ABHD17B: variants seen among roughly 807,000 people sequenced by gnomAD.
The protein encoded by ABHD17B is abhydrolase domain containing 17B, depalmitoylase.
In ABHD17B, 9 loss-of-function variants were observed where a neutral mutation model predicts 26.2. That is an observed-to-expected ratio of 0.34 (90% CI 0.21 to 0.60). The LOEUF is 0.60. ABHD17B is among the 20% of genes least tolerant of loss of function. The pLI is 0.80. For synonymous variants in ABHD17B, 127 were observed against 122.3 expected (o/e 1.04, Z -0.25); for missense variants, 224 against 352.1 (o/e 0.64, Z 2.91).
At position 71,866,796 on chromosome 9, in the gene ABHD17B, T is replaced by C; in HGVS notation, c.858A>G (p.Val286=). The stretch of plus-strand genomic sequence containing the variant: ...AAATTTACAGAATATTTTACAAATT[T>C]ACCAGTTCCTGTGACACAAACTGTT... ...RLKQFVSQEL[V]NL Residue 286 remains valine, a synonymous_variant, in exon 4 of 4, where the codon GTA becomes GTG. Coordinates refer to ENST00000333421, the MANE Select transcript of ABHD17B (RefSeq NM_001025780.3). The C allele has an allele frequency of 1.2e-6, 2 of 1,614,184 alleles. No individual in the cohort carries two copies. The highest frequency in any genetic ancestry group is 2.2e-5 in the South Asian group (2 of 91,082).
At chr9:71,888,856 A>G (rs1826689489) in intron 1 of ABHD17B, among the ~76,000 whole-genome samples, 1 of 152,186 alleles carries the variant, frequency 6.6e-6, no homozygotes, top group Non-Finnish European at 1.5e-5. Context: ...TAGGCAACTG[A>G]AACTGCTGTA....
At chr9:71,893,141 G>A (rs1379291062) in intron 1 of ABHD17B, among the ~76,000 whole-genome samples, 1 of 152,134 alleles carries the variant, frequency 6.6e-6, no homozygotes, top group Non-Finnish European at 1.5e-5. Flanking sequence ...TTTGTCCTTT[G>A]CACTCACACC....
chr9:71,906,397 T>C (rs1827285086), intron 1 of ABHD17B, among the ~76,000 whole-genome samples: 1 of 152,242 alleles, frequency 6.6e-6, no homozygotes, highest in Admixed American at 6.5e-5. Context: ...TTTTAATCTG[T>C]AGCTGTTGTA....
chr9:71,877,391 C>T (rs1053917583), intron 1 of ABHD17B, among the ~76,000 whole-genome samples: 2 of 152,156 alleles, frequency 1.3e-5, no homozygotes, highest in African/African-American at 4.8e-5. Context: ...GACTATAGTC[C>T]TATAATTTAT....
intron 1 of ABHD17B, among the ~76,000 whole-genome samples, chr9:71,881,071 G>T (rs150739003): frequency 6.6e-6 from 1 of 152,108 alleles, no homozygotes; most frequent in African/African-American, 2.4e-5. Flanking sequence ...TAAGTTGGAG[G>T]ATTCACACTT....
intron 1 of ABHD17B, among the ~76,000 whole-genome samples, chr9:71,877,981 G>C (rs1826328152): frequency 6.6e-6 from 1 of 152,150 alleles, no homozygotes; most frequent in Non-Finnish European, 1.5e-5. Context: ...TTCCTAATAA[G>C]AGGCCTGGTA....
At chr9:71,904,349 C>T (rs754960687) in intron 1 of ABHD17B, among the ~76,000 whole-genome samples, 6 of 152,132 alleles carry the variant, frequency 3.9e-5, no homozygotes, top group South Asian at 2.1e-4. Context: ...TTTCCTTTCC[C>T]GTTTTTCAGC....
Position 71,909,578 on chromosome 9 carries a change from T to C in ABHD17B, c.-4+1056A>G, listed in dbSNP as rs563977247. ...CGTTATTACAACATGTATCTGGCTT[T>C]CTACTCCGACTCATTAGGTATTATA... On this transcript the variant is annotated intron_variant, in intron 1 of 3. Coordinates refer to ENST00000333421, the MANE Select transcript of ABHD17B (RefSeq NM_001025780.3). Among the ~76,000 whole-genome samples, 8 of 152,352 alleles carry C rather than the reference T, an allele frequency of 5.3e-5. No individual in the cohort carries two copies. The South Asian group carries it at 1.7e-3, about 32-fold the overall frequency.
intron 1 of ABHD17B, among the ~76,000 whole-genome samples, chr9:71,883,096 T>C (rs1169702018): frequency 1.3e-5 from 2 of 152,152 alleles, no homozygotes; most frequent in African/African-American, 4.8e-5. Context: ...TGAGCTGAGA[T>C]TGCGCCATTG....
intron 1 of ABHD17B, among the ~76,000 whole-genome samples, chr9:71,879,629 G>A (rs1826382864): frequency 6.6e-6 from 1 of 152,136 alleles, no homozygotes; most frequent in Non-Finnish European, 1.5e-5. Context: ...AAAATTAAGA[G>A]CAGATATCAA....
downstream of ABHD17B, among the ~76,000 whole-genome samples, chr9:71,863,005 C>T (rs570167073): frequency 1.1e-4 from 16 of 150,324 alleles, no homozygotes; most frequent in South Asian, 2.1e-4. Context: ...TAGAAATCAC[C>T]GAGAAAAAAA....
At chr9:71,892,194 T>C (rs1237480659) in intron 1 of ABHD17B, among the ~76,000 whole-genome samples, 1 of 152,150 alleles carries the variant, frequency 6.6e-6, no homozygotes, top group Non-Finnish European at 1.5e-5. Flanking sequence ...AAGAAATTTA[T>C]AATTTGAAAA....
At chr9:71,908,719 T>G (rs1425495709) in intron 1 of ABHD17B, among the ~76,000 whole-genome samples, 2 of 152,218 alleles carry the variant, frequency 1.3e-5, no homozygotes, top group Non-Finnish European at 2.9e-5. Flanking sequence ...TAACTGTTCA[T>G]CAAATGATTG....
Position 71,865,464 on chromosome 9 carries a change from G to C in ABHD17B, c.*1323C>G. 1 of 982,404 alleles carries C rather than the reference G, an allele frequency of 1.0e-6. No homozygotes were observed. The allele number at this position is 982,404 out of a possible 1,614,324, so 60.9% of individuals were successfully genotyped here. A position where few individuals can be genotyped will look rare whatever the true frequency, so the allele number is the denominator to read the frequency against. ...GTGAGCTTTATTTTTTTACTATATT[G>C]GTTAATATAAAAGTTATGAATTAAA... On this transcript the variant is annotated 3_prime_UTR_variant, in exon 4 of 4. Transcript: ENST00000333421.
Position 71,869,562 on chromosome 9 carries a change from C to T in ABHD17B, c.647+521G>A, listed in dbSNP as rs377748164. Reference sequence around the variant, plus strand: ...CTAAGTATGTTTGCAGGTTTTGTGGCAGCAATACTTACTAATCTAGTTAAT... The same window carrying T: ...CTAAGTATGTTTGCAGGTTTTGTGGTAGCAATACTTACTAATCTAGTTAAT... On this transcript the variant is annotated intron_variant, in intron 3 of 3. Transcript: ENST00000333421. Among the ~76,000 whole-genome samples, 143 of 152,236 alleles carry T rather than the reference C, an allele frequency of 9.4e-4. 1 individual carries two copies. Among genetic ancestry groups the T allele is most frequent in the African/African-American group, 2.7e-3 (113 of 41,550 alleles).
Position 71,875,089 on chromosome 9 carries a change from A to G in ABHD17B, c.-3-6T>C. 1 of 1,592,168 alleles carries G rather than the reference A, an allele frequency of 6.3e-7. No homozygotes were observed. The highest frequency in any genetic ancestry group is 8.6e-7 in the Non-Finnish European group (1 of 1,164,964). ...AATGAAAGATTATTCATGCTCTGAA[A>G]AAGAAAAGGAGATAGCAAATATTTT... On this transcript the variant is annotated splice_region_variant and splice_polypyrimidine_tract_variant and intron_variant, in intron 1 of 3. Transcript: ENST00000333421.
chr9:71,885,509 T>C lies in ABHD17B; in HGVS notation c.-3-10426A>G, dbSNP rs149340499. Among the ~76,000 whole-genome samples the C allele has an allele frequency of 3.7e-4, 55 of 150,560 alleles. 1 individual carries two copies. The East Asian group carries it at 0.01, about 28-fold the overall frequency. ...ACCTCAATGTTAAACAGATGGCCCA[T>C]TGTGAAAATTAAGGTTTTCCTTTTG... On this transcript the variant is annotated intron_variant, in intron 1 of 3. Transcript: ENST00000333421.
chr9:71,902,168 T>C (rs1012644536), intron 1 of ABHD17B, among the ~76,000 whole-genome samples: 2 of 152,260 alleles, frequency 1.3e-5, no homozygotes, highest in Non-Finnish European at 2.9e-5. Flanking sequence ...CTGTTTAAGC[T>C]GTACTTCCTT....
At chr9:71,881,479 A>T (rs940983425) in intron 1 of ABHD17B, among the ~76,000 whole-genome samples, 1 of 152,238 alleles carries the variant, frequency 6.6e-6, no homozygotes, top group Non-Finnish European at 1.5e-5. Context: ...AAGAAAAAAA[A>T]ATAGATAAAT....
Sources: gnomAD v4.1 joint callset for allele counts (sites outside exome capture counted in the v4.1 genomes callset) on GRCh38, gnomAD v4.1.1 for gene constraint, MANE v1.5 for transcripts, NCBI Gene and HGNC (gene_info 2026-07-23, HGNC 2026-07-21) for gene names.